Variants in ATRNL1 observed in about 807,000 individuals in gnomAD.
ATRNL1 encodes the protein attractin like 1, also known as attractin-like protein 1.
In ATRNL1, 95 loss-of-function variants were observed where a neutral mutation model predicts 182.7. The observed-to-expected ratio is 0.52, with a 90% CI of 0.44 to 0.62. The LOEUF (loss-of-function observed/expected upper bound fraction) is 0.62, where lower values mean the gene tolerates loss of function less well. ATRNL1 is among the 20% of genes least tolerant of loss of function. The probability of loss-of-function intolerance (pLI) is 0.00; values close to 1 mark genes in which losing one functional copy is unlikely to be tolerated. For missense variants in ATRNL1, 1,471 were observed against 1,679.5 expected, an observed-to-expected ratio of 0.88 and a Z score of 2.17; for synonymous variants, 576 against 568.3, an observed-to-expected ratio of 1.01 and a Z score of -0.19.
intron 21 of ATRNL1, among the ~76,000 whole-genome samples, chr10:115,436,028 T>G (rs1846389413): frequency 6.6e-6 from 1 of 152,132 alleles, no homozygotes; most frequent in East Asian, 1.9e-4. Context: ...TTGGGGTACT[T>G]GAGCAAAAAT....
intron 27 of ATRNL1, among the ~76,000 whole-genome samples, chr10:115,818,778 T>C (rs1555089365): frequency 6.6e-6 from 1 of 152,154 alleles, no homozygotes; most frequent in Non-Finnish European, 1.5e-5. Flanking sequence ...TAGCTTTTTG[T>C]ACTGCCAGTT....
chr10:115,642,620 T>G (rs1859326328), intron 26 of ATRNL1, among the ~76,000 whole-genome samples: 1 of 152,106 alleles, frequency 6.6e-6, no homozygotes. Context: ...ATTATTTGTA[T>G]TTTTAGTAGA....
chr10:115,452,010 G>C (rs782782726), intron 21 of ATRNL1, among the ~76,000 whole-genome samples: 1 of 152,148 alleles, frequency 6.6e-6, no homozygotes, highest in Non-Finnish European at 1.5e-5. Flanking sequence ...TGCAGGTACA[G>C]AAAACCAAAT....
chr10:115,642,235 G>A (rs1859297927), intron 26 of ATRNL1, among the ~76,000 whole-genome samples: 1 of 152,078 alleles, frequency 6.6e-6, no homozygotes, highest in Non-Finnish European at 1.5e-5. Context: ...TCAAAAGAAT[G>A]CAATTCCTAA....
chr10:115,321,344 A>T (rs1554931465), intron 18 of ATRNL1, among the ~76,000 whole-genome samples: 3 of 152,146 alleles, frequency 2.0e-5, no homozygotes, highest in African/African-American at 2.4e-5. Context: ...TGTTTACCTT[A>T]AAAGTTACTA....
chr10:115,206,482 A>G (rs1848800999), intron 8 of ATRNL1, among the ~76,000 whole-genome samples: 1 of 152,104 alleles, frequency 6.6e-6, no homozygotes, highest in African/African-American at 2.4e-5. Context: ...TTAAAATAGT[A>G]TACCTGATTT....
chr10:115,368,794 A>G (rs1029489698), intron 19 of ATRNL1, among the ~76,000 whole-genome samples: 10 of 151,694 alleles, frequency 6.6e-5, no homozygotes, highest in Non-Finnish European at 1.5e-4. Context: ...GTTCACTGCA[A>G]CCACCGCCTC....
intron 28 of ATRNL1, among the ~76,000 whole-genome samples, chr10:115,925,232 C>G (rs1255204968): frequency 3.3e-5 from 5 of 151,974 alleles, no homozygotes; most frequent in Admixed American, 3.3e-4. Flanking sequence ...ATTTGAATAC[C>G]CTTTATTTCT....
At chr10:115,542,497 G>A (rs1852416636) in intron 25 of ATRNL1, among the ~76,000 whole-genome samples, 1 of 152,072 alleles carries the variant, frequency 6.6e-6, no homozygotes. Context: ...GAGTGGGCAT[G>A]TATAATAGTG....
At chr10:115,658,957 C>T (rs1860507321) in intron 26 of ATRNL1, among the ~76,000 whole-genome samples, 2 of 152,238 alleles carry the variant, frequency 1.3e-5, no homozygotes, top group African/African-American at 4.8e-5. Flanking sequence ...AGAATGAGAG[C>T]TGGGCCATGG....
chr10:115,201,497 C>T (rs1848576880), intron 8 of ATRNL1, among the ~76,000 whole-genome samples: 1 of 152,094 alleles, frequency 6.6e-6, no homozygotes, highest in Non-Finnish European at 1.5e-5. Context: ...AATCCTTTCC[C>T]CATTGCTCGT....
intron 20 of ATRNL1, among the ~76,000 whole-genome samples, chr10:115,406,364 T>A (rs186100684): frequency 2.0e-5 from 3 of 152,320 alleles, no homozygotes; most frequent in Non-Finnish European, 4.4e-5. Context: ...TATTCTTATA[T>A]GTTTCCTGGC....
At chr10:115,895,889 C>G (rs577747158) in intron 28 of ATRNL1, among the ~76,000 whole-genome samples, 22 of 152,186 alleles carry the variant, frequency 1.4e-4, no homozygotes, top group Admixed American at 3.9e-4. Context: ...AATGAGAAGT[C>G]AAGATATTAG....
chr10:115,421,112 A>C (rs999561800), intron 20 of ATRNL1, among the ~76,000 whole-genome samples: 1 of 152,186 alleles, frequency 6.6e-6, no homozygotes, highest in Admixed American at 6.5e-5. Flanking sequence ...ATTCTAGCAA[A>C]TATTTAAAAA....
chr10:115,687,390 T>C (rs577516660), intron 26 of ATRNL1, among the ~76,000 whole-genome samples: 1 of 152,122 alleles, frequency 6.6e-6, no homozygotes, highest in Admixed American at 6.6e-5. Flanking sequence ...GTCTGGCTTA[T>C]TTTGCTTAGC....
intron 7 of ATRNL1, among the ~76,000 whole-genome samples, chr10:115,167,757 CTTGTT>C: frequency 6.6e-6 from 1 of 151,790 alleles, no homozygotes. Context: ...CATTTTTTGC[CTTGTT>C]TTATTTTTTC....
chr10:115,169,206 CTTTT>C (rs781950574), intron 7 of ATRNL1, among the ~76,000 whole-genome samples: 1 of 125,976 alleles, frequency 7.9e-6, no homozygotes. Flanking sequence ...GTTTTGATTA[CTTTT>C]TTTTTTTTTT....
chr10:115,512,753 G>A (rs996500050), intron 24 of ATRNL1, among the ~76,000 whole-genome samples: 1 of 151,830 alleles, frequency 6.6e-6, no homozygotes, highest in Non-Finnish European at 1.5e-5. Flanking sequence ...AGTTTGAAAA[G>A]CATAGTTTTA....
At chr10:115,846,363 C>G (rs1306361772) in intron 27 of ATRNL1, among the ~76,000 whole-genome samples, 1 of 152,012 alleles carries the variant, frequency 6.6e-6, no homozygotes, top group Admixed American at 6.6e-5. Context: ...TACAAGAAAG[C>G]AGGCATATTT....
Sources: gnomAD v4.1 joint callset for allele counts (sites outside exome capture counted in the v4.1 genomes callset) on GRCh38, gnomAD v4.1.1 for gene constraint, MANE v1.5 for transcripts, NCBI Gene and HGNC (gene_info 2026-07-23, HGNC 2026-07-21) for gene names.